QTMAN: variants seen among roughly 807,000 people sequenced by gnomAD.
QTMAN encodes queuosine-tRNA mannosyltransferase.
At chr2:143,963,509 T>C in the QTMAN span, among the ~76,000 whole-genome samples, 1 of 152,038 alleles carries the variant, frequency 6.6e-6, no homozygotes, top group African/African-American at 2.4e-5. Flanking sequence ...ATATTTTAAA[T>C]CTCTATGGTA....
chr2:144,096,888 T>C, the QTMAN span, among the ~76,000 whole-genome samples: 2 of 152,226 alleles, frequency 1.3e-5, no homozygotes, highest in East Asian at 3.8e-4. Flanking sequence ...GAGTTGGACT[T>C]ATTGTCAGCC....
chr2:144,033,627 C>T, the QTMAN span, among the ~76,000 whole-genome samples: 1 of 152,294 alleles, frequency 6.6e-6, no homozygotes, highest in Non-Finnish European at 1.5e-5. Flanking sequence ...AACTCAATCT[C>T]TATCCAGTCC....
chr2:144,229,481 G>T, the QTMAN span, among the ~76,000 whole-genome samples: 1 of 152,086 alleles, frequency 6.6e-6, no homozygotes, highest in South Asian at 2.1e-4. Context: ...AGTTTGGTAG[G>T]ATTTCAACTT....
chr2:143,964,207 T>A, the QTMAN span: 1 of 152,148 alleles, frequency 6.6e-6, no homozygotes, highest in East Asian at 1.9e-4. Context: ...AGGAACCATG[T>A]CTTCATCTCT....
the QTMAN span, among the ~76,000 whole-genome samples, chr2:144,153,438 G>A: frequency 0.012 from 1,826 of 152,244 alleles, 58 homozygotes; most frequent in African/African-American, 0.042. Flanking sequence ...GGCTGGGCAC[G>A]GTGGCTCATG....
chr2:143,957,153 T>C, the QTMAN span: 3 of 1,501,024 alleles, frequency 2.0e-6, no homozygotes, highest in Non-Finnish European at 2.7e-6. Context: ...TAAAACTGAT[T>C]AGAGATTGCT....
At chr2:144,252,562 T>A in the QTMAN span, among the ~76,000 whole-genome samples, 1 of 151,926 alleles carries the variant, frequency 6.6e-6, no homozygotes, top group Non-Finnish European at 1.5e-5. Flanking sequence ...ATAGCTAAAA[T>A]CCAAAACAAT....
the QTMAN span, chr2:143,939,103 A>C: frequency 6.6e-6 from 1 of 152,186 alleles, no homozygotes; most frequent in Non-Finnish European, 1.5e-5. Context: ...TCCTTTAGGC[A>C]TCTAGTCTTT....
At chr2:144,147,174 G>A in the QTMAN span, among the ~76,000 whole-genome samples, 1 of 151,338 alleles carries the variant, frequency 6.6e-6, no homozygotes, top group African/African-American at 2.4e-5. Flanking sequence ...CTTCTTCACG[G>A]GCTAAAAGAG....
At chr2:144,046,621 T>C in the QTMAN span, among the ~76,000 whole-genome samples, 1 of 152,216 alleles carries the variant, frequency 6.6e-6, no homozygotes, top group Non-Finnish European at 1.5e-5. Flanking sequence ...ACCATTTTTC[T>C]AAATAAGTAT....
chr2:144,042,404 C>T, the QTMAN span, among the ~76,000 whole-genome samples: 9 of 151,856 alleles, frequency 5.9e-5, no homozygotes, highest in Non-Finnish European at 1.2e-4. Context: ...AGAAAACAAA[C>T]ACAAAAATGA....
At chr2:144,098,246 T>C in the QTMAN span, among the ~76,000 whole-genome samples, 1 of 152,212 alleles carries the variant, frequency 6.6e-6, no homozygotes, top group East Asian at 1.9e-4. Context: ...GTTTAGACAG[T>C]AATTACATAA....
chr2:144,008,757 T>C, the QTMAN span, among the ~76,000 whole-genome samples: 2 of 151,974 alleles, frequency 1.3e-5, no homozygotes, highest in South Asian at 4.1e-4. Flanking sequence ...TCAAGAACCC[T>C]CAAAGAACGT....
At chr2:144,143,238 G>T in the QTMAN span, among the ~76,000 whole-genome samples, 2 of 151,870 alleles carry the variant, frequency 1.3e-5, no homozygotes, top group African/African-American at 4.8e-5. Flanking sequence ...TAATCCTATC[G>T]TAAGTTGAGG....
chr2:143,952,930 CTGAA>C, the QTMAN span: 1 of 783,250 alleles, frequency 1.3e-6, no homozygotes, highest in South Asian at 1.5e-5. Flanking sequence ...CCTAAGTTAA[CTGAA>C]TGAGCCCAGA....
At chr2:144,204,772 A>T in the QTMAN span, among the ~76,000 whole-genome samples, 4 of 152,198 alleles carry the variant, frequency 2.6e-5, no homozygotes, top group Non-Finnish European at 5.9e-5. Context: ...GACTGGATTA[A>T]GAAAATGTGG....
chr2:144,110,104 A>T, the QTMAN span, among the ~76,000 whole-genome samples: 1 of 152,180 alleles, frequency 6.6e-6, no homozygotes, highest in African/African-American at 2.4e-5. Context: ...ATGTTTATTG[A>T]GGCACTATTC....
At chr2:143,978,952 A>T in the QTMAN span, among the ~76,000 whole-genome samples, 1 of 152,210 alleles carries the variant, frequency 6.6e-6, no homozygotes, top group Non-Finnish European at 1.5e-5. Context: ...TCCTCTAGTT[A>T]GAAATTTCCC....
chr2:144,034,713 A>G, the QTMAN span, among the ~76,000 whole-genome samples: 26 of 152,088 alleles, frequency 1.7e-4, no homozygotes, highest in Non-Finnish European at 3.5e-4. Context: ...TTCATTCTTG[A>G]GTGGAGTTCA....
Sources: allele counts gnomAD v4.1 joint callset (sites outside exome capture counted in the v4.1 genomes callset), GRCh38; gene constraint gnomAD v4.1.1; transcripts MANE v1.5; gene names NCBI Gene and HGNC (gene_info 2026-07-23, HGNC 2026-07-21).